Variants in LRRD1 observed in about 807,000 individuals in gnomAD.
LRRD1 encodes the protein leucine rich repeats and death domain containing 1.
A neutral mutation model predicts 69.5 loss-of-function variants in LRRD1; 49 were observed. The observed-to-expected ratio is 0.70, with a 90% CI of 0.56 to 0.89. LRRD1 has a LOEUF of 0.89. LRRD1 is among the 40% of genes least tolerant of loss of function. The pLI, the probability that LRRD1 is intolerant of heterozygous loss-of-function variation, is 0.00. For synonymous variants in LRRD1, 303 were observed against 338.9 expected, an observed-to-expected ratio of 0.89 and a Z score of 1.16; for missense variants, 853 against 956.0, an observed-to-expected ratio of 0.89 and a Z score of 1.42.
At chr7:92,142,784 C>T, downstream of LRRD1, 1 of 444,910 alleles carries the variant, frequency 2.2e-6, no homozygotes, top group Non-Finnish European at 4.5e-6. Flanking sequence ...TTCCTTTCTC[C>T]CGGTGGGTTC....
At chr7:92,151,949 CAAA>C (rs561382791) in intron 3 of LRRD1, among the ~76,000 whole-genome samples, 1 of 82,984 alleles carries the variant, frequency 1.2e-5, no homozygotes, top group Admixed American at 1.3e-4. Context: ...AACTCCATCT[CAAA>C]AAAAAAAAAA....
downstream of LRRD1, among the ~76,000 whole-genome samples, chr7:92,143,913 C>T (rs1820243622): frequency 1.3e-5 from 2 of 152,220 alleles, no homozygotes; most frequent in South Asian, 4.1e-4. Flanking sequence ...GGGTCAGAAT[C>T]AATCATTATG....
At chr7:92,172,320 A>G (rs1298721591) in intron 1 of LRRD1, among the ~76,000 whole-genome samples, 1 of 152,316 alleles carries the variant, frequency 6.6e-6, no homozygotes, top group East Asian at 1.9e-4. Flanking sequence ...CTTATTCAAC[A>G]TAATGCTGGA....
rs1404376340 is a variant in LRRD1, at chr7:92,164,919, C to T, written c.284G>A (p.Gly95Glu). The T allele has an allele frequency of 1.7e-5, 26 of 1,551,488 alleles. No individual in the cohort carries two copies. Among genetic ancestry groups the T allele is most frequent in the Non-Finnish European group, 2.3e-5 (26 of 1,146,912 alleles). Residue 95 changes from glycine (G) to glutamate (E), a missense_variant, in exon 2 of 6, where the codon GGA becomes GAA. This residue lies in a region of LRRD1 where 99 missense variants were observed against 107.0 expected (regional missense o/e 0.92). Transcript: ENST00000458448. ...LQFSETSTRT[G>E]TSQSLSSLTG... ...TAGTGATGATAAACTCTGTGAAGTT[C>T]CTGTTCTAGTGCTTGTTTCAGAAAA...
chr7:92,167,232 AC>A (rs2131013371), intron 1 of LRRD1, among the ~76,000 whole-genome samples: 1 of 151,766 alleles, frequency 6.6e-6, no homozygotes, highest in Non-Finnish European at 1.5e-5. Context: ...AGTAGCTGGG[AC>A]TACAGGCGCA....
downstream of LRRD1, chr7:92,142,879 G>C (rs771899366): frequency 2.7e-4 from 95 of 356,704 alleles, no homozygotes; most frequent in Non-Finnish European, 4.8e-4. Flanking sequence ...CCCAAAGAGA[G>C]AGCAGCAGCA....
intron 4 of LRRD1, among the ~76,000 whole-genome samples, chr7:92,148,203 A>T (rs1432943885): frequency 6.6e-6 from 1 of 151,706 alleles, no homozygotes; most frequent in Non-Finnish European, 1.5e-5. Context: ...AGTTTTTAAA[A>T]TTTTTTGTAG....
downstream of LRRD1, among the ~76,000 whole-genome samples, chr7:92,143,451 C>G (rs1019816787): frequency 6.6e-6 from 1 of 152,168 alleles, no homozygotes; most frequent in African/African-American, 2.4e-5. Context: ...TCTGGCCGCA[C>G]AGGAGCCCAC....
intron 5 of LRRD1, among the ~76,000 whole-genome samples, chr7:92,145,434 A>G (rs973605364): frequency 2.2e-4 from 32 of 146,740 alleles, no homozygotes; most frequent in African/African-American, 8.0e-4. Flanking sequence ...CTACTATACT[A>G]TATGCTTTTT....
downstream of LRRD1, chr7:92,144,762 T>C: frequency 2.0e-6 from 1 of 497,918 alleles, no homozygotes; most frequent in Non-Finnish European, 3.4e-6. Flanking sequence ...GTTGTCATCA[T>C]CTCTTAAGAA....
In LRRD1 at chr7:92,177,444, A is replaced by G. The variant is rs868122382; in HGVS notation, c.-75+1563T>C. Among the ~76,000 whole-genome samples, 7 of 152,180 alleles carry G rather than the reference A, an allele frequency of 4.6e-5. No individual in the cohort carries two copies. In the South Asian group the frequency reaches 1.0e-3, roughly 23 times the overall value. Reference sequence around the variant, plus strand: ...TTCTTCTTCTTGAGAACATATGGGGATATAATTGCCTTCCCTGGCTTCATA... The same window carrying G: ...TTCTTCTTCTTGAGAACATATGGGGGTATAATTGCCTTCCCTGGCTTCATA... On this transcript the variant is annotated intron_variant, in intron 1 of 5. Transcript: ENST00000458448.
At chr7:92,169,977 G>C (rs536958147) in intron 1 of LRRD1, among the ~76,000 whole-genome samples, 16 of 152,106 alleles carry the variant, frequency 1.1e-4, no homozygotes, top group African/African-American at 3.9e-4. Flanking sequence ...GGCTGAGGTG[G>C]GAGAATCACT....
rs564344049 is a variant in LRRD1, at chr7:92,166,085, C to G, written c.-74-809G>C. ...AGAGTAAACTAGACATCAAATAGTC[C>G]TTGCGTGGATTGCAACCTTCCTGAG... is the stretch of plus-strand genomic sequence containing the variant. On this transcript the variant is annotated intron_variant, in intron 1 of 5. Transcript: ENST00000458448. Among the ~76,000 whole-genome samples the G allele has an allele frequency of 3.9e-5, 6 of 152,206 alleles. No homozygotes were observed. In the South Asian group the frequency reaches 8.3e-4, roughly 21 times the overall value.
At chr7:92,176,962 A>AT (rs1491083707) in intron 1 of LRRD1, among the ~76,000 whole-genome samples, 16 of 148,754 alleles carry the variant, frequency 1.1e-4, no homozygotes, top group Non-Finnish European at 1.8e-4. Flanking sequence ...ATATATATAT[A>AT]AAACAAGAAT....
intron 3 of LRRD1, among the ~76,000 whole-genome samples, chr7:92,155,888 G>C (rs1278567204): frequency 1.3e-5 from 2 of 152,226 alleles, no homozygotes; most frequent in African/African-American, 2.4e-5. Context: ...ATGGGAGATA[G>C]ATGGAGGCCA....
downstream of LRRD1, chr7:92,142,464 C>T (rs1204910792): frequency 1.1e-5 from 5 of 456,726 alleles, no homozygotes; most frequent in East Asian, 6.9e-5. Context: ...ATAACCTACC[C>T]GCAGAAAGAG....
At chr7:92,156,863 AATAAATCGTTTACC>A (rs1442172754) in intron 3 of LRRD1, among the ~76,000 whole-genome samples, 1 of 152,174 alleles carries the variant, frequency 6.6e-6, no homozygotes, top group East Asian at 1.9e-4. Context: ...CATAGTGGAA[AATAAATCGTTTACC>A]ATGGAGTGTG....
chr7:92,168,827 T>G (rs1788985315), intron 1 of LRRD1, among the ~76,000 whole-genome samples: 1 of 152,176 alleles, frequency 6.6e-6, no homozygotes, highest in Non-Finnish European at 1.5e-5. Flanking sequence ...GGATCCATGA[T>G]GTCCCCAAAC....
intron 1 of LRRD1, among the ~76,000 whole-genome samples, chr7:92,176,565 ATT>A (rs71107853): frequency 0.53 from 75,666 of 143,320 alleles, 20,038 homozygotes; most frequent in African/African-American, 0.67. Flanking sequence ...AGATTCTCTC[ATT>A]TTTTTTTTTT....
Sources: allele counts gnomAD v4.1 joint callset (sites outside exome capture counted in the v4.1 genomes callset), GRCh38; gene constraint gnomAD v4.1.1; regional missense constraint gnomAD v4.1.1; transcripts MANE v1.5; gene names NCBI Gene and HGNC (gene_info 2026-07-23, HGNC 2026-07-21).